The following RELB variants were observed in gnomAD, a reference collection of about 807,000 sequenced individuals.
RELB encodes the protein RELB proto-oncogene, NF-kB subunit.
In RELB, 14 loss-of-function variants were observed where a neutral mutation model predicts 55.4. The observed-to-expected ratio is 0.25, with a 90% CI of 0.17 to 0.40. The LOEUF (loss-of-function observed/expected upper bound fraction) is 0.40, where lower values mean the gene tolerates loss of function less well. RELB is among the 10% of genes least tolerant of loss of function. RELB has a pLI of 1.00. For missense variants in RELB, 669 were observed against 830.7 expected, an observed-to-expected ratio of 0.81 and a Z score of 2.39; for synonymous variants, 409 against 371.3, an observed-to-expected ratio of 1.10 and a Z score of -1.17.
At chr19:45,024,130 C>T (rs185480780) in intron 5 of RELB, among the ~76,000 whole-genome samples, 5 of 151,820 alleles carry the variant, frequency 3.3e-5, no homozygotes, top group Admixed American at 6.6e-5. Context: ...CGTGAGCCAC[C>T]GCACCTGGCC....
Position 45,034,514 on chromosome 19 carries a change from C to A in RELB, c.1340C>A (p.Pro447His). Reference protein sequence around the residue: ...KKPAILDHFLPNHGSGPFLPP... With the variant: ...KKPAILDHFLHNHGSGPFLPP... The stretch of plus-strand genomic sequence containing the variant: ...CCGGCCATCCTGGACCACTTCCTGC[C>A]CAACCACGGCTCAGGTGGGTCCCAG... Residue 447 changes from proline to histidine, a missense_variant, in exon 11 of 12, where the codon CCC becomes CAC. Transcript: ENST00000221452. 6.2e-7 allele frequency: 1 copy of A among 1,603,974 alleles called. No homozygotes were observed.
Position 45,022,046 on chromosome 19 carries a change from C to A in RELB, c.505-7C>A. On this transcript the variant is annotated splice_region_variant and splice_polypyrimidine_tract_variant and intron_variant, in intron 4 of 11. Coordinates refer to ENST00000221452, the MANE Select transcript of RELB (RefSeq NM_006509.4). Reference sequence around the variant, plus strand: ...GGGACCCCCAAAGAGGACTTCTCTTCCTGCAGCTCCGGGATTGTGGAGGGC... The same window carrying A: ...GGGACCCCCAAAGAGGACTTCTCTTACTGCAGCTCCGGGATTGTGGAGGGC... 6.2e-7 allele frequency: 1 copy of A among 1,604,048 alleles called. No homozygotes were observed. Among genetic ancestry groups the A allele is most frequent in the Non-Finnish European group, 8.5e-7 (1 of 1,174,542 alleles).
chr19:45,022,066 G>C lies in RELB; in HGVS notation c.518G>C (p.Gly173Ala). Residue 173 changes from glycine to alanine, a missense_variant, in exon 5 of 12, where the codon GGA becomes GCA. Coordinates refer to ENST00000221452, the MANE Select transcript of RELB (RefSeq NM_006509.4). ...TLPAIELRDCGGLREVEVTAC... is the reference protein window; with the variant it reads ...TLPAIELRDCAGLREVEVTAC... ...CTCTTCCTGCAGCTCCGGGATTGTGGAGGGCTGCGGGAGGTGGAGGTGACT... is the reference window on the plus strand; with the variant it reads ...CTCTTCCTGCAGCTCCGGGATTGTGCAGGGCTGCGGGAGGTGGAGGTGACT... The C allele has an allele frequency of 6.2e-7, 1 of 1,611,010 alleles. No individual in the cohort carries two copies. Among genetic ancestry groups the C allele is most frequent in the Non-Finnish European group, 8.5e-7 (1 of 1,178,376 alleles).
rs143116729 is a variant in RELB, at chr19:45,023,125, G to A, written c.662+915G>A. 2.8e-3 allele frequency among the ~76,000 whole-genome samples: 423 copies of A among 152,210 alleles called. 3 individuals carry two copies. Among genetic ancestry groups the A allele is most frequent in the African/African-American group, 9.8e-3 (408 of 41,546 alleles). On this transcript the variant is annotated intron_variant, in intron 5 of 11. Coordinates refer to ENST00000221452, the MANE Select transcript of RELB (RefSeq NM_006509.4). Reference sequence around the variant, plus strand: ...TAAACTTAGTGAAAATATAAGTTCCGAGAGCAGAGATCTTGTCTCTTACAT... The same window carrying A: ...TAAACTTAGTGAAAATATAAGTTCCAAGAGCAGAGATCTTGTCTCTTACAT...
intron 11 of RELB, among the ~76,000 whole-genome samples, chr19:45,036,795 CA>C (rs756902294): frequency 1.2e-4 from 18 of 152,318 alleles, no homozygotes; most frequent in Non-Finnish European, 2.2e-4. Flanking sequence ...CCTCCTGCCT[CA>C]GACTGCCAGG....
At chr19:45,037,327 A>C in intron 11 of RELB, 78 bp from the exon 12 acceptor site, 1 of 1,384,526 alleles carries the variant, frequency 7.2e-7, no homozygotes, top group Non-Finnish European at 9.6e-7. Context: ...TTTTGCAGGG[A>C]GTAGGGCATT....
chr19:45,001,551 C>A lies in RELB; in HGVS notation c.-29C>A. On this transcript the variant is annotated 5_prime_UTR_variant, in exon 1 of 12. Transcript: ENST00000221452. ...ACCCGCGATCGTCCACCAGACCGTG[C>A]CTCCCGGCCGCCCGGCCGGCCCGCG... 1 of 1,353,838 alleles carries A rather than the reference C, an allele frequency of 7.4e-7. No homozygotes were observed. Among genetic ancestry groups the A allele is most frequent in the Non-Finnish European group, 9.7e-7 (1 of 1,029,342 alleles). The allele number at this position is 1,353,838 out of a possible 1,614,324, so 83.9% of individuals were successfully genotyped here. A position where few individuals can be genotyped will look rare whatever the true frequency, so the allele number is the denominator to read the frequency against.
intron 1 of RELB, among the ~76,000 whole-genome samples, chr19:45,002,270 C>A (rs1971222102): frequency 6.6e-6 from 1 of 152,092 alleles, no homozygotes; most frequent in South Asian, 2.1e-4. Context: ...TGGGGCTTGC[C>A]TCCAGACGGA....
At chr19:45,011,597 C>T (rs117644736) in intron 3 of RELB, among the ~76,000 whole-genome samples, 1,828 of 152,132 alleles carry the variant, frequency 0.012, 21 homozygotes, top group Non-Finnish European at 0.021. Context: ...GCTGGGATTA[C>T]AGACGTGGGA....
intron 7 of RELB, among the ~76,000 whole-genome samples, 180 bp downstream of exon 7, chr19:45,025,917 G>A (rs982783449): frequency 2.0e-5 from 3 of 151,690 alleles, no homozygotes; most frequent in African/African-American, 7.3e-5. Context: ...TGGGCAACTT[G>A]GCAAAACCCT....
At position 45,037,469 on chromosome 19, in the gene RELB, G is replaced by C. The variant is rs750842558; in HGVS notation, c.1419G>C (p.Leu473=). 8 of 1,610,040 alleles carry C rather than the reference G, an allele frequency of 5.0e-6. No homozygotes were observed. The highest frequency in any genetic ancestry group is 6.8e-6 in the Non-Finnish European group (8 of 1,179,286). ...DPDFFSGTVS[L]PGLEPPGGPD... ...ACTTCTTCTCTGGCACCGTGTCCCT[G>C]CCCGGCCTGGAGCCCCCTGGCGGGC... The change falls in exon 12 of 12, where the codon CTG becomes CTC. Residue 473 remains leucine (L), a synonymous_variant. Transcript: ENST00000221452.
At chr19:45,004,886 A>G (rs1010331606) in intron 2 of RELB, among the ~76,000 whole-genome samples, 5 of 150,826 alleles carry the variant, frequency 3.3e-5, no homozygotes, top group African/African-American at 1.2e-4. Context: ...AAACAAAAAA[A>G]CAGCCGGCCG....
chr19:45,032,873 T>C, intron 9 of RELB, 124 bp downstream of exon 9: 1 of 813,872 alleles, frequency 1.2e-6, no homozygotes, highest in Non-Finnish European at 1.9e-6. Context: ...AAAGACAGTG[T>C]TCAGATCCTG....
chr19:45,025,729 A>C lies in RELB; in HGVS notation c.878A>C (p.Tyr293Ser), dbSNP rs1221620340. The change falls in exon 7 of 12, where the codon TAT becomes TCT. Residue 293 changes from tyrosine (Y) to serine (S), a missense_variant. Physicochemically the swap from Tyr to Ser is moderately radical, Grantham distance 144. Transcript: ENST00000221452. ...RMDPVLSEPV[Y>S]DKKSTNTSEL... The stretch of plus-strand genomic sequence containing the variant: ...GATCCTGTGCTTTCCGAGCCCGTCT[A>C]TGACAAGAGTGAGTTGAGAGTGCTG... 6.2e-7 allele frequency: 1 copy of C among 1,613,830 alleles called. No homozygotes were observed. Among genetic ancestry groups the C allele is most frequent in the Non-Finnish European group, 8.5e-7 (1 of 1,179,878 alleles).
At chr19:45,012,770 G>A (rs185539599) in intron 4 of RELB, among the ~76,000 whole-genome samples, 284 of 150,512 alleles carry the variant, frequency 1.9e-3, no homozygotes, top group African/African-American at 6.4e-3. Context: ...AAGGCAGATC[G>A]TGGTGCGGTG....
At chr19:45,006,639 C>T (rs1415006394) in intron 2 of RELB, among the ~76,000 whole-genome samples, 1 of 151,960 alleles carries the variant, frequency 6.6e-6, no homozygotes, top group Non-Finnish European at 1.5e-5. Context: ...AATGTGAGGT[C>T]ATGTGACATC....
chr19:45,026,428 T>A (rs1971558824), intron 7 of RELB, among the ~76,000 whole-genome samples: 1 of 149,524 alleles, frequency 6.7e-6, no homozygotes, highest in African/African-American at 2.5e-5. Flanking sequence ...ATGCAAAAAT[T>A]AGCTGGGCAT....
chr19:45,009,879 G>T, intron 3 of RELB, 57 bp downstream of exon 3: 1 of 1,475,380 alleles, frequency 6.8e-7, no homozygotes, highest in Non-Finnish European at 9.3e-7. Flanking sequence ...GCCTACAGAA[G>T]GGGGTCTTGG....
At chr19:45,023,424 C>CCTTCCTTCCTTCCTTCCTTT (rs1971514651) in intron 5 of RELB, among the ~76,000 whole-genome samples, 1 of 151,514 alleles carries the variant, frequency 6.6e-6, no homozygotes, top group Non-Finnish European at 1.5e-5. Flanking sequence ...TTCCTTCCTT[C>CCTTCCTTCCTTCCTTCCTTT]CTTCCTTCCG....
Sources: allele counts gnomAD v4.1 joint callset (sites outside exome capture counted in the v4.1 genomes callset), GRCh38; gene constraint gnomAD v4.1.1; transcripts MANE v1.5; gene names NCBI Gene and HGNC (gene_info 2026-07-23, HGNC 2026-07-21).